RGS7: variants seen among roughly 807,000 people sequenced by gnomAD.
The protein encoded by RGS7 is regulator of G-protein signaling 7.
In RGS7, 27 loss-of-function variants were observed where a neutral mutation model predicts 81.1. The ratio of observed to expected loss-of-function variants is 0.33; its 90% CI spans 0.25 to 0.46. The LOEUF is 0.46. Ranked by LOEUF, RGS7 falls within the 20% of genes least tolerant of loss-of-function variation. RGS7 has a pLI of 1.00. For missense variants in RGS7, 396 were observed against 607.4 expected (o/e 0.65, Z 3.66); for synonymous variants, 208 against 207.7 (o/e 1.00, Z -0.01).
chr1:240,861,249 T>C (rs551687596), intron 9 of RGS7, among the ~76,000 whole-genome samples: 41 of 152,338 alleles, frequency 2.7e-4, no homozygotes, highest in African/African-American at 9.4e-4. Context: ...TCAATGATTA[T>C]TGTTTCTATA....
rs143507797 is a variant in RGS7, at chr1:241,233,083, G to C, written c.78+122616C>G. ...ACTCCAGCATCACTCCCCAGCACCC[G>C]TAAGTCAGAATGTATGTTTCCCTAG... On this transcript the variant is annotated intron_variant, in intron 2 of 18. Coordinates refer to ENST00000440928, the MANE Select transcript of RGS7 (RefSeq NM_001364886.1). Among the ~76,000 whole-genome samples, 1,085 of 152,130 alleles carry C rather than the reference G, an allele frequency of 7.1e-3. 18 individuals carry two copies. The highest frequency in any genetic ancestry group is 0.025 in the African/African-American group (1,032 of 41,524).
At chr1:240,830,908 T>A (rs1693724595) in intron 9 of RGS7, among the ~76,000 whole-genome samples, 1 of 152,208 alleles carries the variant, frequency 6.6e-6, no homozygotes, top group Non-Finnish European at 1.5e-5. Flanking sequence ...AATTAGAAGT[T>A]TCATCCTCAT....
intron 2 of RGS7, among the ~76,000 whole-genome samples, chr1:241,171,091 A>G (rs2070702176): frequency 6.6e-6 from 1 of 152,216 alleles, no homozygotes; most frequent in Non-Finnish European, 1.5e-5. Flanking sequence ...GAGTCATTAA[A>G]GTAAGGTTCA....
chr1:240,881,011 A>AT (rs1470626651), intron 6 of RGS7, among the ~76,000 whole-genome samples: 5 of 152,144 alleles, frequency 3.3e-5, no homozygotes, highest in Non-Finnish European at 7.3e-5. Flanking sequence ...ACTCAAATAT[A>AT]TTTTGTAATT....
intron 6 of RGS7, among the ~76,000 whole-genome samples, chr1:240,880,131 T>A (rs1358857080): frequency 1.3e-5 from 2 of 152,216 alleles, no homozygotes; most frequent in Admixed American, 1.3e-4. Context: ...AGCCTTGACC[T>A]CCTGGGCTTA....
At chr1:240,822,043 C>T (rs906320137) in intron 10 of RGS7, among the ~76,000 whole-genome samples, 2 of 152,172 alleles carry the variant, frequency 1.3e-5, no homozygotes, top group Non-Finnish European at 2.9e-5. Flanking sequence ...ACAAACATTA[C>T]TGTGGATGTT....
intron 9 of RGS7, among the ~76,000 whole-genome samples, chr1:240,827,877 A>AC (rs1429213979): frequency 2.0e-5 from 3 of 151,066 alleles, no homozygotes; most frequent in South Asian, 2.1e-4. Flanking sequence ...AAAAAAAAAA[A>AC]AAAAAAAAAA....
Position 240,991,190 on chromosome 1 carries a change from C to G in RGS7, c.176-8061G>C, listed in dbSNP as rs113469573. Among the ~76,000 whole-genome samples, 221 of 152,308 alleles carry G rather than the reference C, an allele frequency of 1.5e-3. 2 individuals are homozygous for G. The highest frequency in any genetic ancestry group is 4.9e-3 in the African/African-American group (204 of 41,570). On this transcript the variant is annotated intron_variant, in intron 3 of 18. Transcript: ENST00000440928. The stretch of plus-strand genomic sequence containing the variant: ...GCTGTTCCTTGAGCAGACATTTTCT[C>G]AAGATCATGGGGATTTAACTAGATT...
At chr1:241,178,070 C>T (rs1316237658) in intron 2 of RGS7, among the ~76,000 whole-genome samples, 3 of 152,002 alleles carry the variant, frequency 2.0e-5, no homozygotes, top group Admixed American at 1.3e-4. Flanking sequence ...GAGGTTTGCT[C>T]GAGGCCAGGA....
intron 4 of RGS7, among the ~76,000 whole-genome samples, chr1:240,940,714 G>A (rs73118021): frequency 0.073 from 11,011 of 151,786 alleles, 739 homozygotes; most frequent in African/African-American, 0.17. Context: ...ACCAAGCCAA[G>A]GAACAACAAA....
intron 2 of RGS7, among the ~76,000 whole-genome samples, chr1:241,280,974 A>G (rs1264091696): frequency 1.3e-5 from 2 of 152,222 alleles, no homozygotes; most frequent in Admixed American, 6.5e-5. Flanking sequence ...GATTTTTTCA[A>G]TAAATATACT....
chr1:241,327,501 G>A (rs4659598), intron 2 of RGS7, among the ~76,000 whole-genome samples: 29,532 of 151,958 alleles, frequency 0.19, 2,994 homozygotes, highest in East Asian at 0.29. Context: ...CCAAGTATAG[G>A]GACATCAGTT....
At position 240,896,669 on chromosome 1, in the gene RGS7, C is replaced by A. The variant is rs936508294; in HGVS notation, c.386-26550G>T. On this transcript the variant is annotated intron_variant, in intron 6 of 18. Coordinates refer to ENST00000440928, the MANE Select transcript of RGS7 (RefSeq NM_001364886.1). ...TCTCTGTTTTGGTACCAGTACCATG[C>A]GGTTTGGTTACTGCAGCCTTGTAGT... Among the ~76,000 whole-genome samples, 5 of 152,166 alleles carry A rather than the reference C, an allele frequency of 3.3e-5. No individual in the cohort carries two copies. The East Asian group carries it at 7.7e-4, about 24-fold the overall frequency.
chr1:240,932,814 C>T (rs550382465), intron 5 of RGS7, among the ~76,000 whole-genome samples: 2 of 142,126 alleles, frequency 1.4e-5, no homozygotes, highest in East Asian at 4.4e-4. Flanking sequence ...GGCCTAAAAA[C>T]GATTTTCTGA....
chr1:241,095,475 C>T (rs1386617046), intron 3 of RGS7, among the ~76,000 whole-genome samples: 2 of 152,008 alleles, frequency 1.3e-5, no homozygotes, highest in Non-Finnish European at 2.9e-5. Flanking sequence ...GATCTTGTCT[C>T]TACCAAAACA....
At chr1:240,862,754 G>C (rs1016260213) in intron 9 of RGS7, among the ~76,000 whole-genome samples, 1 of 152,166 alleles carries the variant, frequency 6.6e-6, no homozygotes, top group Non-Finnish European at 1.5e-5. Context: ...TCGTGTCACA[G>C]ATCTGTGATA....
At chr1:241,221,039 A>AAGGAAGGAAGGAAAAGAAAGAAAGAAAG (rs1553289605) in intron 2 of RGS7, among the ~76,000 whole-genome samples, 1 of 92,694 alleles carries the variant, frequency 1.1e-5, no homozygotes, top group Admixed American at 1.1e-4. Flanking sequence ...GGAAGGAAGG[A>AAGGAAGGAAGGAAAAGAAAGAAAGAAAG]AAAGAAAGAA....
intron 3 of RGS7, among the ~76,000 whole-genome samples, chr1:241,095,006 T>C (rs1572666461): frequency 6.6e-6 from 1 of 152,226 alleles, no homozygotes; most frequent in East Asian, 1.9e-4. Flanking sequence ...TTATTCTTCC[T>C]AACTGCTTTT....
Position 240,837,733 on chromosome 1 carries a change from A to G in RGS7, c.610-10561T>C, listed in dbSNP as rs117505066. On this transcript the variant is annotated intron_variant, in intron 9 of 18. Transcript: ENST00000440928. The stretch of plus-strand genomic sequence containing the variant: ...CAAAAAGTAGGAAAATGAACTAGCT[A>G]CTGAACTGGAGAAAACAATCTTTAT... Among the ~76,000 whole-genome samples, 81 of 152,366 alleles carry G rather than the reference A, an allele frequency of 5.3e-4. No individual in the cohort carries two copies. The East Asian group carries it at 0.015, about 28-fold the overall frequency.
Sources: allele counts gnomAD v4.1 joint callset (sites outside exome capture counted in the v4.1 genomes callset), GRCh38; gene constraint gnomAD v4.1.1; transcripts MANE v1.5; gene names NCBI Gene and HGNC (gene_info 2026-07-23, HGNC 2026-07-21).